Variants in CEP128 observed in about 807,000 individuals in gnomAD.
CEP128 encodes the protein centrosomal protein 128, also known as centrosomal protein 128kDa.
Under a neutral mutation model 156.7 loss-of-function variants are expected in CEP128, and 132 were observed. The observed-to-expected ratio is 0.84, with a 90% CI of 0.73 to 0.97. The LOEUF (loss-of-function observed/expected upper bound fraction) is 0.97. Ranked by LOEUF, CEP128 falls within the 50% of genes least tolerant of loss-of-function variation. The pLI, the probability that CEP128 is intolerant of heterozygous loss-of-function variation, is 0.00. For missense variants in CEP128, 1,252 were observed against 1,281.9 expected (o/e 0.98, Z 0.36); for synonymous variants, 469 against 448.9 (o/e 1.04, Z -0.57).
At chr14:80,837,652 G>A (rs2888031) in intron 11 of CEP128, among the ~76,000 whole-genome samples, 14,922 of 152,222 alleles carry the variant, frequency 0.098, 1,243 homozygotes, top group East Asian at 0.43. Flanking sequence ...GGAGGCTGAG[G>A]TTGTGGTGAG....
intron 13 of CEP128, among the ~76,000 whole-genome samples, chr14:80,800,055 C>T (rs556320561): frequency 5.3e-5 from 8 of 152,106 alleles, no homozygotes; most frequent in Non-Finnish European, 1.0e-4. Flanking sequence ...CTGTTTTACA[C>T]CCCCTCCCCT....
intron 20 of CEP128, among the ~76,000 whole-genome samples, chr14:80,570,706 A>C (rs2140411773): frequency 6.6e-6 from 1 of 152,220 alleles, no homozygotes; most frequent in Non-Finnish European, 1.5e-5. Context: ...ATATGCATAC[A>C]GTGAGGTTTT....
chr14:80,838,398 T>C (rs1886192995), intron 10 of CEP128, 120 bp from the exon 11 acceptor site: 5 of 641,066 alleles, frequency 7.8e-6, no homozygotes, highest in South Asian at 3.8e-5. Flanking sequence ...TTACAGCTAA[T>C]ATAAAAGAAT....
intron 19 of CEP128, among the ~76,000 whole-genome samples, chr14:80,603,794 T>C (rs897863747): frequency 6.6e-6 from 1 of 152,174 alleles, no homozygotes; most frequent in African/African-American, 2.4e-5. Context: ...TTGAGTAGAA[T>C]CCCATACTGC....
At chr14:80,620,945 C>A (rs1024916805) in intron 19 of CEP128, among the ~76,000 whole-genome samples, 19 of 152,054 alleles carry the variant, frequency 1.2e-4, no homozygotes, top group Admixed American at 1.2e-3. Context: ...GTTATGGGTA[C>A]ATACACAAAT....
intron 19 of CEP128, among the ~76,000 whole-genome samples, chr14:80,666,202 A>G (rs567448760): frequency 4.6e-5 from 7 of 152,336 alleles, no homozygotes; most frequent in African/African-American, 1.7e-4. Context: ...CAATAGTATG[A>G]AAAGAATAAA....
At chr14:80,618,785 A>T (rs11844022) in intron 19 of CEP128, among the ~76,000 whole-genome samples, 16,643 of 152,074 alleles carry the variant, frequency 0.11, 1,297 homozygotes, top group East Asian at 0.31. Flanking sequence ...AACCATAACA[A>T]TCACTTGGAG....
intron 19 of CEP128, among the ~76,000 whole-genome samples, chr14:80,631,576 G>A (rs200769274): frequency 0.061 from 9,305 of 152,020 alleles, 326 homozygotes; most frequent in Non-Finnish European, 0.07. Flanking sequence ...TATCTGCAAA[G>A]ATCAATGAGT....
In CEP128 at chr14:80,660,254, C is replaced by T. The variant is rs138203022; in HGVS notation, c.2807-79831G>A. ...GACAGAGCTCACTGCACTTCAAACA[C>T]GTCACTGTATTTTGTCTCTGTAAAA... On this transcript the variant is annotated intron_variant, in intron 19 of 24. Coordinates refer to ENST00000555265, the MANE Select transcript of CEP128 (RefSeq NM_152446.5). 4.2e-3 allele frequency among the ~76,000 whole-genome samples: 645 copies of T among 152,248 alleles called. 4 individuals carry two copies. The highest frequency in any genetic ancestry group is 0.013 in the African/African-American group (543 of 41,564).
chr14:80,758,734 G>A (rs1355765999), intron 17 of CEP128, among the ~76,000 whole-genome samples: 2 of 152,052 alleles, frequency 1.3e-5, no homozygotes, highest in Non-Finnish European at 2.9e-5. Flanking sequence ...TACTAAAAGA[G>A]GCAATACAAA....
intron 19 of CEP128, among the ~76,000 whole-genome samples, chr14:80,581,833 G>C (rs1406110217): frequency 6.6e-6 from 1 of 152,128 alleles, no homozygotes. Context: ...TCCTCTTCCT[G>C]CATCCTCACT....
In CEP128 at chr14:80,530,806, C is replaced by CA; in HGVS notation, c.2958+2dup. Reference sequence around the variant, plus strand: ...TGAAAGAGACAAGCCAACTCTTTCTCACTCTGAAGTCTTTGAAATCTTCTA... The same window carrying CA: ...TGAAAGAGACAAGCCAACTCTTTCTCAACTCTGAAGTCTTTGAAATCTTCTA... On this transcript the variant is annotated splice_region_variant and intron_variant, in intron 22 of 24. Coordinates refer to ENST00000555265, the MANE Select transcript of CEP128 (RefSeq NM_152446.5). The CA allele has an allele frequency of 1.9e-6, 3 of 1,596,618 alleles. No homozygotes were observed. Among genetic ancestry groups the CA allele is most frequent in the Non-Finnish European group, 2.6e-6 (3 of 1,169,652 alleles).
chr14:80,573,783 G>A (rs1437934012), intron 20 of CEP128, among the ~76,000 whole-genome samples: 1 of 152,146 alleles, frequency 6.6e-6, no homozygotes, highest in Non-Finnish European at 1.5e-5. Context: ...CAAATTTAAG[G>A]TTGGTAAGCC....
chr14:80,725,124 T>C (rs1488478888), intron 19 of CEP128, among the ~76,000 whole-genome samples: 2 of 150,584 alleles, frequency 1.3e-5, no homozygotes, highest in East Asian at 3.9e-4. Flanking sequence ...TTCCCTCTAT[T>C]GGCAACTGGA....
At chr14:80,660,903 A>G (rs1203309653) in intron 19 of CEP128, among the ~76,000 whole-genome samples, 1 of 152,152 alleles carries the variant, frequency 6.6e-6, no homozygotes, top group Non-Finnish European at 1.5e-5. Flanking sequence ...TTTACTCCAA[A>G]AAAATTCTAC....
intron 19 of CEP128, among the ~76,000 whole-genome samples, chr14:80,673,326 T>C (rs1388941523): frequency 6.6e-6 from 1 of 152,080 alleles, no homozygotes; most frequent in Non-Finnish European, 1.5e-5. Context: ...ATTGTTTCAT[T>C]AGAGTTGATG....
At chr14:80,644,172 G>A (rs1426582755) in intron 19 of CEP128, among the ~76,000 whole-genome samples, 1 of 152,198 alleles carries the variant, frequency 6.6e-6, no homozygotes, top group Non-Finnish European at 1.5e-5. Flanking sequence ...TGCAGAGCAA[G>A]CATGGTCCTG....
At chr14:80,685,342 T>A (rs1158649210) in intron 19 of CEP128, among the ~76,000 whole-genome samples, 1 of 151,798 alleles carries the variant, frequency 6.6e-6, no homozygotes, top group Non-Finnish European at 1.5e-5. Flanking sequence ...CTAATCCCAT[T>A]TACAACAGCC....
chr14:80,790,881 G>A (rs1048879420), intron 14 of CEP128, among the ~76,000 whole-genome samples: 7 of 152,022 alleles, frequency 4.6e-5, no homozygotes, highest in African/African-American at 1.7e-4. Context: ...AAATGACTCA[G>A]TAAGGCTACT....
Sources: allele counts gnomAD v4.1 joint callset (sites outside exome capture counted in the v4.1 genomes callset), GRCh38; gene constraint gnomAD v4.1.1; transcripts MANE v1.5; gene names NCBI Gene and HGNC (gene_info 2026-07-23, HGNC 2026-07-21).